The following TMEM135 variants were observed in gnomAD, a reference collection of about 807,000 sequenced individuals.
TMEM135 encodes the protein transmembrane protein 135, also known as peroxisomal membrane protein 52.
A neutral mutation model predicts 60.3 loss-of-function variants in TMEM135; 30 were observed. That is an observed-to-expected ratio of 0.50 (90% CI 0.37 to 0.68). The LOEUF (loss-of-function observed/expected upper bound fraction) is 0.68, where lower values mean the gene tolerates loss of function less well. TMEM135 is among the 30% of genes least tolerant of loss of function. TMEM135 has a pLI of 0.00. For missense variants in TMEM135, 468 were observed against 548.8 expected (o/e 0.85, Z 1.47); for synonymous variants, 190 against 186.7 (o/e 1.02, Z -0.14).
chr11:87,157,224 A>G (rs1938724512), intron 4 of TMEM135, 117 bp from the exon 5 acceptor site: 3 of 936,870 alleles, frequency 3.2e-6, no homozygotes. Context: ...ATCGTTCTCT[A>G]GAAGTTGCTG....
At chr11:87,186,446 C>A (rs1023361998) in intron 5 of TMEM135, among the ~76,000 whole-genome samples, 2 of 151,940 alleles carry the variant, frequency 1.3e-5, no homozygotes, top group Admixed American at 1.3e-4. Context: ...TTACTCATAC[C>A]CCATGAATTA....
intron 4 of TMEM135, among the ~76,000 whole-genome samples, chr11:87,152,529 T>G (rs540502410): frequency 6.6e-6 from 1 of 152,316 alleles, no homozygotes; most frequent in East Asian, 1.9e-4. Flanking sequence ...AACCTCCACC[T>G]CCTGGTTCAA....
chr11:87,240,611 A>G (rs1010071291), intron 6 of TMEM135, among the ~76,000 whole-genome samples: 6 of 152,084 alleles, frequency 3.9e-5, no homozygotes, highest in Admixed American at 2.0e-4. Flanking sequence ...AAACATCAAA[A>G]CTATTGCACT....
At chr11:87,310,638 AAGG>A (rs1313016807) in intron 10 of TMEM135, among the ~76,000 whole-genome samples, 1 of 151,638 alleles carries the variant, frequency 6.6e-6, no homozygotes, top group African/African-American at 2.4e-5. Context: ...AAAAAAAAAA[AAGG>A]AGATTAGAAC....
chr11:87,273,680 C>G (rs1414715818), intron 6 of TMEM135, among the ~76,000 whole-genome samples: 1 of 152,126 alleles, frequency 6.6e-6, no homozygotes, highest in East Asian at 1.9e-4. Context: ...GAGAAAGGAA[C>G]TGAACTACAC....
At chr11:87,317,700 G>A (rs750516084) in intron 12 of TMEM135, among the ~76,000 whole-genome samples, 1 of 152,144 alleles carries the variant, frequency 6.6e-6, no homozygotes, top group Non-Finnish European at 1.5e-5. Flanking sequence ...AGAGAAGGCT[G>A]TTGCCACCTG....
chr11:87,290,777 C>T (rs1383440419), intron 6 of TMEM135, among the ~76,000 whole-genome samples: 3 of 151,928 alleles, frequency 2.0e-5, no homozygotes, highest in Non-Finnish European at 4.4e-5. Flanking sequence ...TCTTTTTTGG[C>T]TCAGTTTTAT....
At chr11:87,215,973 A>T (rs1027030955) in intron 5 of TMEM135, among the ~76,000 whole-genome samples, 1 of 152,182 alleles carries the variant, frequency 6.6e-6, no homozygotes, top group African/African-American at 2.4e-5. Context: ...GTGGTACAGT[A>T]CAAGAAGATG....
intron 4 of TMEM135, among the ~76,000 whole-genome samples, chr11:87,116,282 G>A (rs187081734): frequency 6.6e-6 from 1 of 152,214 alleles, no homozygotes; most frequent in Non-Finnish European, 1.5e-5. Flanking sequence ...GTTTTACTGT[G>A]CCTAAAATAA....
Position 87,260,465 on chromosome 11 carries a change from A to C in TMEM135, c.509+23781A>C, listed in dbSNP as rs1941628277. On this transcript the variant is annotated intron_variant, in intron 6 of 14. Transcript: ENST00000305494. ...TATTATAGCAAGCCTAACTTGTTGAAATTACTTGAATGCTAAGAAGTCTAT... is the reference window on the plus strand; with the variant it reads ...TATTATAGCAAGCCTAACTTGTTGACATTACTTGAATGCTAAGAAGTCTAT... 1.3e-5 allele frequency among the ~76,000 whole-genome samples: 2 copies of C among 152,302 alleles called. 1 individual carries two copies. Among genetic ancestry groups the C allele is most frequent in the Non-Finnish European group, 2.9e-5 (2 of 68,028 alleles).
chr11:87,183,245 C>A (rs1287504760), intron 5 of TMEM135, among the ~76,000 whole-genome samples: 1 of 147,818 alleles, frequency 6.8e-6, no homozygotes, highest in Non-Finnish European at 1.5e-5. Flanking sequence ...TGGGTTCAAG[C>A]GATTCTCCTG....
chr11:87,222,756 G>A (rs896999395), intron 5 of TMEM135, among the ~76,000 whole-genome samples: 9 of 151,838 alleles, frequency 5.9e-5, no homozygotes, highest in African/African-American at 2.2e-4. Context: ...AGTGAGCTGA[G>A]ATCATGCCAT....
chr11:87,315,923 G>A (rs969671778), intron 12 of TMEM135, among the ~76,000 whole-genome samples: 1 of 151,892 alleles, frequency 6.6e-6, no homozygotes, highest in African/African-American at 2.4e-5. Context: ...CCTCCTTGTT[G>A]TAACATAACA....
intron 4 of TMEM135, among the ~76,000 whole-genome samples, chr11:87,126,848 C>G (rs1937748149): frequency 6.6e-6 from 1 of 151,894 alleles, no homozygotes; most frequent in African/African-American, 2.4e-5. Context: ...ATTCTGAATT[C>G]TTATTAGAGT....
intron 1 of TMEM135, among the ~76,000 whole-genome samples, chr11:87,063,736 C>CTTCT (rs1949971029): frequency 6.6e-6 from 1 of 152,126 alleles, no homozygotes; most frequent in South Asian, 2.1e-4. Context: ...GGTTACAGCA[C>CTTCT]AGTGATGATA....
At chr11:87,260,536 T>G (rs1233574741) in intron 6 of TMEM135, among the ~76,000 whole-genome samples, 1 of 152,150 alleles carries the variant, frequency 6.6e-6, no homozygotes, top group Non-Finnish European at 1.5e-5. Context: ...TATCTATTTT[T>G]TTTTGGATTT....
At chr11:87,201,707 T>G (rs1940097005) in intron 5 of TMEM135, among the ~76,000 whole-genome samples, 2 of 152,196 alleles carry the variant, frequency 1.3e-5, no homozygotes, top group Admixed American at 1.3e-4. Context: ...ATGCCTTTTT[T>G]CTACTTCATA....
intron 5 of TMEM135, among the ~76,000 whole-genome samples, chr11:87,159,390 T>C (rs746455558): frequency 5.3e-5 from 8 of 152,310 alleles, no homozygotes; most frequent in African/African-American, 1.9e-4. Flanking sequence ...CCACTGACTT[T>C]TTTGGTTCTC....
intron 4 of TMEM135, among the ~76,000 whole-genome samples, chr11:87,113,348 C>T (rs1012603138): frequency 1.3e-5 from 2 of 152,034 alleles, no homozygotes; most frequent in African/African-American, 4.8e-5. Flanking sequence ...CTCTAAAATG[C>T]ACCTTGACAA....
Sources: allele counts gnomAD v4.1 joint callset (sites outside exome capture counted in the v4.1 genomes callset), GRCh38; gene constraint gnomAD v4.1.1; transcripts MANE v1.5; gene names NCBI Gene and HGNC (gene_info 2026-07-23, HGNC 2026-07-21).